Variants in TRPM7 observed in about 807,000 individuals in gnomAD.
TRPM7 encodes the protein transient receptor potential cation channel subfamily M member 7, also known as LTRPC ion channel family member 7.
In TRPM7, 134 loss-of-function variants were observed where a neutral mutation model predicts 229.7. The observed-to-expected ratio is 0.58, with a 90% CI of 0.51 to 0.67. TRPM7 has a LOEUF of 0.67. Among genes scored for constraint, TRPM7 ranks in the 30% least tolerant of loss-of-function variants. TRPM7 has a pLI of 0.00. For missense variants in TRPM7, 1,901 were observed against 2,210.0 expected, an observed-to-expected ratio of 0.86 and a Z score of 2.80; for synonymous variants, 699 against 715.2, an observed-to-expected ratio of 0.98 and a Z score of 0.36.
chr15:50,595,192 C>G (rs912224558), intron 23 of TRPM7, among the ~76,000 whole-genome samples: 1 of 151,356 alleles, frequency 6.6e-6, no homozygotes, highest in African/African-American at 2.4e-5. Flanking sequence ...AACAGGCTGT[C>G]TCAAAAAATA....
rs2053233830 is a variant in TRPM7, at chr15:50,559,563, G to A, written c.*2115C>T. 6.6e-6 allele frequency: 1 copy of A among 151,910 alleles called. No homozygotes were observed. The highest frequency in any genetic ancestry group is 1.5e-5 in the Non-Finnish European group (1 of 68,060). The allele number at this position is 151,910 out of a possible 1,614,324, so 9.4% of individuals were successfully genotyped here. ...AGTATAGATGAAAGGCAGCCAGCCT[G>A]GGTTCAAATCCTACCGTTGCTACTT... On this transcript the variant is annotated 3_prime_UTR_variant, in exon 39 of 39. Transcript: ENST00000646667.
intron 9 of TRPM7, among the ~76,000 whole-genome samples, chr15:50,632,186 G>A (rs1198243799): frequency 7.2e-5 from 11 of 152,000 alleles, no homozygotes; most frequent in East Asian, 1.9e-4. Context: ...GCCTGTAGTC[G>A]GGAGGCTGAG....
intron 1 of TRPM7, among the ~76,000 whole-genome samples, chr15:50,664,647 A>G (rs1280145455): frequency 6.6e-6 from 1 of 152,214 alleles, no homozygotes; most frequent in Non-Finnish European, 1.5e-5. Context: ...CATTTCCCTC[A>G]ATACTGAAAA....
chr15:50,651,806 G>A (rs948870058), intron 3 of TRPM7, among the ~76,000 whole-genome samples: 1 of 151,934 alleles, frequency 6.6e-6, no homozygotes, highest in Non-Finnish European at 1.5e-5. Context: ...AGAATTACTT[G>A]AACCCAGGAG....
At chr15:50,585,229 T>C (rs1414606843) in intron 28 of TRPM7, among the ~76,000 whole-genome samples, 1 of 152,028 alleles carries the variant, frequency 6.6e-6, no homozygotes, top group South Asian at 2.1e-4. Flanking sequence ...GCCCGGCTAA[T>C]TTTTTGTATT....
At chr15:50,596,645 T>C (rs2059639591) in intron 22 of TRPM7, among the ~76,000 whole-genome samples, 1 of 152,214 alleles carries the variant, frequency 6.6e-6, no homozygotes, top group Non-Finnish European at 1.5e-5. Context: ...AAAGTATATT[T>C]AGGTGTTATA....
intron 34 of TRPM7, 39 bp from the exon 35 acceptor site, chr15:50,574,758 TTAAAC>T: frequency 6.3e-7 from 1 of 1,592,224 alleles, no homozygotes; most frequent in Non-Finnish European, 8.6e-7. Flanking sequence ...TGTTTAATAT[TTAAAC>T]TAAGATTATA....
intron 38 of TRPM7, among the ~76,000 whole-genome samples, chr15:50,565,197 G>C (rs2053541755): frequency 6.6e-6 from 1 of 152,002 alleles, no homozygotes; most frequent in African/African-American, 2.4e-5. Flanking sequence ...GGCCAGGCTG[G>C]TCTCGAACTC....
At chr15:50,680,795 A>C (rs999762433) in intron 1 of TRPM7, among the ~76,000 whole-genome samples, 2 of 152,188 alleles carry the variant, frequency 1.3e-5, no homozygotes, top group African/African-American at 2.4e-5. Flanking sequence ...CATGTCCCTG[A>C]ATATCAAAAG....
intron 37 of TRPM7, 28 bp from the exon 38 acceptor site, chr15:50,570,021 C>T: frequency 6.3e-7 from 1 of 1,581,260 alleles, no homozygotes; most frequent in Non-Finnish European, 8.6e-7. Context: ...TTAAAAAAAA[C>T]AACAAAAAAA....
At chr15:50,672,430 G>C (rs955862655) in intron 1 of TRPM7, among the ~76,000 whole-genome samples, 2 of 151,598 alleles carry the variant, frequency 1.3e-5, no homozygotes, top group African/African-American at 4.8e-5. Context: ...AGAAGGCACT[G>C]TTATCATAGA....
intron 24 of TRPM7, 131 bp from the exon 25 acceptor site, chr15:50,593,880 T>A: frequency 1.2e-6 from 1 of 851,132 alleles, no homozygotes; most frequent in Non-Finnish European, 1.8e-6. Flanking sequence ...CTTTTACTAC[T>A]ATGCTTCTAA....
At chr15:50,611,725 T>A (rs966764528) in intron 16 of TRPM7, among the ~76,000 whole-genome samples, 1 of 152,220 alleles carries the variant, frequency 6.6e-6, no homozygotes, top group Non-Finnish European at 1.5e-5. Flanking sequence ...GAAAAACATC[T>A]GAATCTTGAA....
chr15:50,667,990 T>G (rs1228724915), intron 1 of TRPM7, among the ~76,000 whole-genome samples: 1 of 152,206 alleles, frequency 6.6e-6, no homozygotes, highest in Non-Finnish European at 1.5e-5. Context: ...TCAGCAGTAA[T>G]TATGATTATT....
intron 6 of TRPM7, 118 bp downstream of exon 6, chr15:50,639,306 T>C (rs1440806912): frequency 2.3e-6 from 2 of 873,780 alleles, no homozygotes; most frequent in African/African-American, 2.2e-5. Context: ...GAAAATACCT[T>C]TTAAACTTAA....
chr15:50,653,619 C>T (rs913077667), intron 3 of TRPM7, among the ~76,000 whole-genome samples: 3 of 152,118 alleles, frequency 2.0e-5, no homozygotes, highest in African/African-American at 4.8e-5. Flanking sequence ...GGCAATTTCT[C>T]AATCATAGAG....
At chr15:50,652,302 C>T (rs1395400562) in intron 3 of TRPM7, among the ~76,000 whole-genome samples, 1 of 118,926 alleles carries the variant, frequency 8.4e-6, no homozygotes, top group Non-Finnish European at 1.6e-5. Context: ...CACTGCACTG[C>T]AGCCTGGCTG....
At chr15:50,654,400 T>C (rs1206286490) in intron 3 of TRPM7, among the ~76,000 whole-genome samples, 3 of 150,654 alleles carry the variant, frequency 2.0e-5, no homozygotes, top group African/African-American at 7.3e-5. Flanking sequence ...TGAGCTGAGA[T>C]TGCAGCACTG....
At chr15:50,572,708 C>A (rs1044826815) in intron 36 of TRPM7, among the ~76,000 whole-genome samples, 1 of 152,126 alleles carries the variant, frequency 6.6e-6, no homozygotes, top group African/African-American at 2.4e-5. Flanking sequence ...ACATACACCA[C>A]CATAATCATT....
Sources: gnomAD v4.1 joint callset for allele counts (sites outside exome capture counted in the v4.1 genomes callset) on GRCh38, gnomAD v4.1.1 for gene constraint, MANE v1.5 for transcripts, NCBI Gene and HGNC (gene_info 2026-07-23, HGNC 2026-07-21) for gene names.